The following GOLGA6L2 variants were observed in gnomAD, a reference collection of about 807,000 sequenced individuals.
GOLGA6L2 encodes golgin A6 family like 2, also known as golgin subfamily A member 6-like protein 2.
Under a neutral mutation model 35.9 loss-of-function variants are expected in GOLGA6L2, and 30 were observed. The ratio of observed to expected loss-of-function variants is 0.83; its 90% confidence interval spans 0.62 to 1.13. The LOEUF is 1.13. GOLGA6L2 is among the 50% of genes most tolerant of loss of function. GOLGA6L2 has a pLI of 0.00. For missense variants in GOLGA6L2, 821 were observed against 973.4 expected (o/e 0.84, Z 2.08); for synonymous variants, 297 against 344.0 (o/e 0.86, Z 1.51).
At position 23,444,010 on chromosome 15, in the gene GOLGA6L2, A is replaced by G; in HGVS notation, c.358T>C (p.Tyr120His). ...QKTELETALY[Y>H]SQDAARKFED... is the part of the protein sequence containing the mutation. ...AATTTCCTGGCAGCATCCTGGCTGT[A>G]ATAGAGCGCTGTCTCCAGTTCAGTT... Residue 120 changes from tyrosine to histidine, a missense_variant, in exon 5 of 8, where the codon TAC becomes CAC. Tyr to His is a moderately conservative substitution (Grantham distance 83). This residue lies in a region of GOLGA6L2 where 614 missense variants were observed against 632.3 expected (regional missense o/e 0.97). Coordinates refer to ENST00000567107, the MANE Select transcript of GOLGA6L2 (RefSeq NM_001304388.2). The G allele has an allele frequency of 6.4e-7, 1 of 1,552,534 alleles. No individual in the cohort carries two copies. The highest frequency in any genetic ancestry group is 8.7e-7 in the Non-Finnish European group (1 of 1,155,366).
rs1237455957 is a variant in GOLGA6L2 at position 23,440,904 on chromosome 15, T to C, written c.1571A>G (p.Glu524Gly). ...WEQEEKIRDQEEMWGQEKKMW... is the reference protein window; with the variant it reads ...WEQEEKIRDQGEMWGQEKKMW... ...CTTCTTCTCCTGCCCCCACATCTCCTCCTGGTCCCGTATCTTCTCCTCCTG... is the reference window on the plus strand; with the variant it reads ...CTTCTTCTCCTGCCCCCACATCTCCCCCTGGTCCCGTATCTTCTCCTCCTG... Residue 524 changes from glutamate (E) to glycine (G), a missense_variant, in exon 8 of 8, where the codon GAG becomes GGG. Transcript: ENST00000567107. 6.8e-7 allele frequency: 1 copy of C among 1,475,304 alleles called. No individual in the cohort carries two copies. Among genetic ancestry groups the C allele is most frequent in the African/African-American group, 1.4e-5 (1 of 71,274 alleles). The allele number at this position is 1,475,304 out of a possible 1,614,324, so 91.4% of individuals were successfully genotyped here.
Position 23,442,087 on chromosome 15 carries a change from G to C in GOLGA6L2, c.684C>G (p.Ala228=), listed in dbSNP as rs762213834. Residue 228 remains alanine, a synonymous_variant, in exon 7 of 8, where the codon GCC becomes GCG. Coordinates refer to ENST00000567107, the MANE Select transcript of GOLGA6L2 (RefSeq NM_001304388.2). The stretch of plus-strand genomic sequence containing the variant: ...CAAGTCGAAGTTTTTCTTGTAGTTC[G>C]GCATTTTTCTTCTTCAGCTCCTCAT... The part of the protein sequence containing the change: ...ITNEELKKKN[A]ELQEKLRLAE... 9.7e-6 allele frequency: 15 copies of C among 1,550,226 alleles called. No individual in the cohort carries two copies. The highest frequency in any genetic ancestry group is 1.3e-5 in the Non-Finnish European group (15 of 1,154,206).
chr15:23,443,407 T>C (rs1875908), intron 5 of GOLGA6L2, among the ~76,000 whole-genome samples: 131,899 of 152,118 alleles, frequency 0.87, 57,192 homozygotes, highest in Middle Eastern at 0.9. Context: ...CACACGCACA[T>C]GCACACTTAT....
chr15:23,444,810 A>AT (rs1246770628), intron 2 of GOLGA6L2, among the ~76,000 whole-genome samples: 2 of 152,188 alleles, frequency 1.3e-5, no homozygotes, highest in African/African-American at 4.8e-5. Context: ...AGGTGCATTC[A>AT]TTCAACAAGC....
chr15:23,447,154 GGGGA>G lies in GOLGA6L2; in HGVS notation c.24_27del (p.Pro9ThrfsTer3). 1 of 1,597,630 alleles carries G rather than the reference GGGGA, an allele frequency of 6.3e-7. No individual in the cohort carries two copies. The highest frequency in any genetic ancestry group is 8.6e-7 in the Non-Finnish European group (1 of 1,169,190). On this transcript the variant is annotated frameshift_variant, in exon 1 of 8. Transcript: ENST00000567107. LOFTEE classifies it high-confidence loss of function. Reference sequence around the variant, plus strand: ...CTGGTTTTTTCTGACATCATGGGGTGGGGAGGGAGGTGGGGTTGGGGCCACATCA... The same window carrying G: ...CTGGTTTTTTCTGACATCATGGGGTGGGGAGGTGGGGTTGGGGCCACATCA...
chr15:23,441,053 C>T lies in GOLGA6L2; in HGVS notation c.1422G>A (p.Gln474=). 1 of 1,534,800 alleles carries T rather than the reference C, an allele frequency of 6.5e-7. No individual in the cohort carries two copies. Among genetic ancestry groups the T allele is most frequent in the South Asian group, 1.2e-5 (1 of 83,556 alleles). Residue 474 remains glutamine, a synonymous_variant, in exon 8 of 8, where the codon CAG becomes CAA. Transcript: ENST00000567107. ...ETMREQEEKM[Q]KQEENMWEQE... Reference sequence around the variant, plus strand: ...GCTCCCACATATTCTCCTCCTGCTTCTGCATCTTCTCCTCCTGCTCCCGCA... The same window carrying T: ...GCTCCCACATATTCTCCTCCTGCTTTTGCATCTTCTCCTCCTGCTCCCGCA...
Position 23,439,347 on chromosome 15 carries a change from G to C in GOLGA6L2, c.*398C>G, listed in dbSNP as rs547192112. ...GCTGGTCTTGAACTCCTGACCTCAG[G>C]TGATCCACCCCCTCTAGGTCTCCCA... On this transcript the variant is annotated 3_prime_UTR_variant, in exon 8 of 8. Coordinates refer to ENST00000567107, the MANE Select transcript of GOLGA6L2 (RefSeq NM_001304388.2). Among the ~76,000 whole-genome samples the C allele has an allele frequency of 2.0e-5, 3 of 152,012 alleles. No homozygotes were observed. Among genetic ancestry groups the C allele is most frequent in the Admixed American group, 2.0e-4 (3 of 15,268 alleles).
At position 23,439,537 on chromosome 15, in the gene GOLGA6L2, C is replaced by G; in HGVS notation, c.*208G>C. 6 of 1,521,368 alleles carry G rather than the reference C, an allele frequency of 3.9e-6. No individual in the cohort carries two copies. The highest frequency in any genetic ancestry group is 5.3e-6 in the Non-Finnish European group (6 of 1,136,376). 94.2% of individuals were successfully genotyped at this position (1,521,368 alleles called of 1,614,324 possible). Reference sequence around the variant, plus strand: ...CTTCTGTAGGCCTTGTTGACAGTGCCAACTTTTAGATATTGATGATCTTCA... The same window carrying G: ...CTTCTGTAGGCCTTGTTGACAGTGCGAACTTTTAGATATTGATGATCTTCA... On this transcript the variant is annotated 3_prime_UTR_variant, in exon 8 of 8. Coordinates refer to ENST00000567107, the MANE Select transcript of GOLGA6L2 (RefSeq NM_001304388.2).
In GOLGA6L2 at chr15:23,443,893, G is replaced by A. The variant is rs1469975380; in HGVS notation, c.475C>T (p.Leu159Phe). 3 of 1,543,262 alleles carry A rather than the reference G, an allele frequency of 1.9e-6. No homozygotes were observed. Among genetic ancestry groups the A allele is most frequent in the South Asian group, 2.4e-5 (2 of 84,508 alleles). ...AGATCCTTGGACTCTCCTGGAATGA[G>A]AGAGGTTGAGACACAGCCCAAAGGA... ...GSPLGCVSTSLIPGESKDLAG... is the reference protein window; with the variant it reads ...GSPLGCVSTSFIPGESKDLAG... Residue 159 changes from leucine to phenylalanine, a missense_variant, in exon 5 of 8, where the codon CTC (leucine) becomes TTC (phenylalanine). By Grantham distance (22) the Leu-to-Phe change is conservative. Coordinates refer to ENST00000567107, the MANE Select transcript of GOLGA6L2 (RefSeq NM_001304388.2).
chr15:23,446,975 G>A lies in GOLGA6L2; in HGVS notation c.84+123C>T, dbSNP rs535535084. Reference sequence around the variant, plus strand: ...AAGATTTTGATTGGGGGAGCCCAGCGGCACTGGGGGGGACCCAGCCCAGTG... The same window carrying A: ...AAGATTTTGATTGGGGGAGCCCAGCAGCACTGGGGGGGACCCAGCCCAGTG... On this transcript the variant is annotated intron_variant, in intron 1 of 7. Transcript: ENST00000567107. 57 of 573,844 alleles carry A rather than the reference G, an allele frequency of 9.9e-5. No homozygotes were observed. The East Asian group carries it at 1.3e-3, about 13-fold the overall frequency. The allele number at this position is 573,844 out of a possible 1,614,324, so 35.5% of individuals were successfully genotyped here. A position where few individuals can be genotyped will look rare whatever the true frequency, so the allele number is the denominator to read the frequency against.
Position 23,443,995 on chromosome 15 carries a change from C to A in GOLGA6L2, c.373G>T (p.Ala125Ser). The A allele has an allele frequency of 6.4e-7, 1 of 1,557,078 alleles. No individual in the cohort carries two copies. The highest frequency in any genetic ancestry group is 8.6e-7 in the Non-Finnish European group (1 of 1,157,838). Residue 125 changes from alanine (A) to serine (S), a missense_variant, in exon 5 of 8, where the codon GCC (alanine) becomes TCC (serine). Around this residue, in one of 7 missense-constraint regions of GOLGA6L2, gnomAD observed 614 missense variants for 632.3 expected, o/e 0.97. Coordinates refer to ENST00000567107, the MANE Select transcript of GOLGA6L2 (RefSeq NM_001304388.2). ...AGGTTCCCATCTTCAAATTTCCTGGCAGCATCCTGGCTGTAATAGAGCGCT... is the reference window on the plus strand; with the variant it reads ...AGGTTCCCATCTTCAAATTTCCTGGAAGCATCCTGGCTGTAATAGAGCGCT... ...ETALYYSQDA[A>S]RKFEDGNLGT...
chr15:23,444,650 C>A, intron 2 of GOLGA6L2, 150 bp from the exon 3 acceptor site: 1 of 694,682 alleles, frequency 1.4e-6, no homozygotes. Flanking sequence ...CTCTCAACTC[C>A]CAAAGAAGAG....
chr15:23,444,598 A>C, intron 2 of GOLGA6L2, 98 bp from the exon 3 acceptor site: 1 of 1,052,724 alleles, frequency 9.5e-7, no homozygotes. Flanking sequence ...TGGATTTTAA[A>C]GGGCAACGTT....
At position 23,439,824 on chromosome 15, in the gene GOLGA6L2, C is replaced by A; in HGVS notation, c.2651G>T (p.Arg884Ile). 1 of 1,535,292 alleles carries A rather than the reference C, an allele frequency of 6.5e-7. No individual in the cohort carries two copies. Among genetic ancestry groups the A allele is most frequent in the Non-Finnish European group, 8.7e-7 (1 of 1,146,396 alleles). Residue 884 changes from arginine (R) to isoleucine (I), a missense_variant, in exon 8 of 8, where the codon AGA (arginine) becomes ATA (isoleucine). Around this residue, in one of 7 missense-constraint regions of GOLGA6L2, gnomAD observed 48 missense variants for 42.7 expected, o/e 1.12. Transcript: ENST00000567107. ...TCTGGCAGCCTCTCCTGCATCTTCTCTTTCTGATCTCGTATCCTCTCCTCC... is the reference window on the plus strand; with the variant it reads ...TCTGGCAGCCTCTCCTGCATCTTCTATTTCTGATCTCGTATCCTCTCCTCC... ...REGGEDTRSEREDAGEAARAR... is the reference protein window; with the variant it reads ...REGGEDTRSEIEDAGEAARAR...
chr15:23,439,255 G>C lies in GOLGA6L2; in HGVS notation c.*490C>G, dbSNP rs527405104. Among the ~76,000 whole-genome samples the C allele has an allele frequency of 6.8e-6, 1 of 147,926 alleles. No individual in the cohort carries two copies. Among genetic ancestry groups the C allele is most frequent in the Non-Finnish European group, 1.5e-5 (1 of 67,566 alleles). On this transcript the variant is annotated 3_prime_UTR_variant, in exon 8 of 8. Transcript: ENST00000567107. ...AGCCTCCTGAGTAGCTGTGATTACAGGCGTGCACAACCACGCCCGGCTAAC... is the reference window on the plus strand; with the variant it reads ...AGCCTCCTGAGTAGCTGTGATTACACGCGTGCACAACCACGCCCGGCTAAC...
rs1338557729 is a variant in GOLGA6L2, at chr15:23,439,746, T to A, written c.2729A>T (p.Ter910LeuextTer86). 12 of 1,535,896 alleles carry A rather than the reference T, an allele frequency of 7.8e-6. No homozygotes were observed. The African/African-American group carries it at 1.7e-4, about 21-fold the overall frequency. Residue 910 changes from the stop codon to leucine (L), a stop_lost, in exon 8 of 8, where the codon TAA (stop) becomes TTA (leucine). Transcript: ENST00000567107. ...TCCACACTGCCAGTGTGGCTCATATTACAAAGAACTTTGGAGGGAGGGAGG... is the reference window on the plus strand; with the variant it reads ...TCCACACTGCCAGTGTGGCTCATATAACAAAGAACTTTGGAGGGAGGGAGG... ...ALPPSLQSSL[*>L] is the part of the protein sequence containing the mutation.
At chr15:23,441,872 C>G in intron 7 of GOLGA6L2, 107 bp downstream of exon 7, 1 of 1,438,128 alleles carries the variant, frequency 7.0e-7, no homozygotes, top group Middle Eastern at 2.5e-4. Flanking sequence ...AACAAGGACC[C>G]AAATTTTCCA....
chr15:23,447,147 ATGGGGTGGGGAGGGAGG>A lies in GOLGA6L2; in HGVS notation c.18_34del (p.Leu7AspfsTer12). The A allele has an allele frequency of 1.1e-6, 1 of 927,596 alleles. No individual in the cohort carries two copies. The highest frequency in any genetic ancestry group is 1.6e-6 in the Non-Finnish European group (1 of 625,270). 57.5% of individuals were successfully genotyped at this position (927,596 alleles called of 1,614,324 possible). A position where few individuals can be genotyped will look rare whatever the true frequency, so the allele number is the denominator to read the frequency against. ...GTTCTGTCTGGTTTTTTCTGACATC[ATGGGGTGGGGAGGGAGG>A]TGGGGTTGGGGCCACATCAGCGTGA... On this transcript the variant is annotated frameshift_variant, in exon 1 of 8. Coordinates refer to ENST00000567107, the MANE Select transcript of GOLGA6L2 (RefSeq NM_001304388.2). LOFTEE classifies it high-confidence loss of function.
At position 23,442,061 on chromosome 15, in the gene GOLGA6L2, G is replaced by A. The variant is rs777618820; in HGVS notation, c.710C>T (p.Ala237Val). ...NAELQEKLRL[A>V]ESEKSEIQLN... is the part of the protein sequence containing the mutation. ...CTGGATCTCAGACTTTTCAGATTCT[G>A]CAAGTCGAAGTTTTTCTTGTAGTTC... Residue 237 changes from alanine to valine, a missense_variant, in exon 7 of 8, where the codon GCA (alanine) becomes GTA (valine). Coordinates refer to ENST00000567107, the MANE Select transcript of GOLGA6L2 (RefSeq NM_001304388.2). 1.2e-5 allele frequency: 18 copies of A among 1,544,846 alleles called. No individual in the cohort carries two copies. The South Asian group carries it at 2.1e-4, about 18-fold the overall frequency.
Sources: allele counts gnomAD v4.1 joint callset (sites outside exome capture counted in the v4.1 genomes callset), GRCh38; gene constraint gnomAD v4.1.1; regional missense constraint gnomAD v4.1.1; transcripts MANE v1.5; gene names NCBI Gene and HGNC (gene_info 2026-07-23, HGNC 2026-07-21).